The following TSPAN16 variants were observed in gnomAD, a reference collection of about 807,000 sequenced individuals.
The protein encoded by TSPAN16 is tetraspanin 16.
In TSPAN16, 23 loss-of-function variants were observed where a neutral mutation model predicts 25.2. The observed-to-expected ratio is 0.91, with a 90% CI of 0.66 to 1.29. The LOEUF (loss-of-function observed/expected upper bound fraction) is 1.29, where lower values mean the gene tolerates loss of function less well. Among genes scored for constraint, TSPAN16 ranks in the 50% most tolerant of loss-of-function variants. The pLI, the probability that TSPAN16 is intolerant of heterozygous loss-of-function variation, is 0.00. For missense variants in TSPAN16, 272 were observed against 299.9 expected (o/e 0.91, Z 0.69); for synonymous variants, 123 against 124.4 (o/e 0.99, Z 0.08).
chr19:11,298,364 C>T, intron 2 of TSPAN16, 25 bp downstream of exon 2: 1 of 1,606,162 alleles, frequency 6.2e-7, no homozygotes, highest in Non-Finnish European at 8.5e-7. Context: ...CACACAGACC[C>T]CAGAACTGCC....
intron 4 of TSPAN16, among the ~76,000 whole-genome samples, chr19:11,304,350 T>G (rs1216439879): frequency 6.6e-6 from 1 of 151,124 alleles, no homozygotes; most frequent in Non-Finnish European, 1.5e-5. Context: ...AACAATTTAT[T>G]TATGTACTTA....
chr19:11,307,122 T>G (rs322150), intron 5 of TSPAN16, among the ~76,000 whole-genome samples: 41,243 of 150,302 alleles, frequency 0.27, 5,623 homozygotes, highest in Middle Eastern at 0.33. Flanking sequence ...TATTTATTTA[T>G]TTAGTTAGTT....
Position 11,306,684 on chromosome 19 carries a change from G to C in TSPAN16, c.531G>C (p.Arg177Ser). 1 of 1,614,066 alleles carries C rather than the reference G, an allele frequency of 6.2e-7. No homozygotes were observed. Among genetic ancestry groups the C allele is most frequent in the Non-Finnish European group, 8.5e-7 (1 of 1,180,036 alleles). ...TGACAACGGGCCACACCTACCCCAG[G>C]AGTTGCTGTAAATCCATCGGAAGTG... The part of the protein sequence containing the change: ...FEMTTGHTYP[R>S]SCCKSIGSVS... The change falls in exon 5 of 7, where the codon AGG (arginine) becomes AGC (serine). Residue 177 changes from arginine to serine, a missense_variant. Physicochemically the swap from Arg to Ser is moderately radical, Grantham distance 110. Transcript: ENST00000590327.
chr19:11,317,965 T>G (rs964124971), downstream of TSPAN16, among the ~76,000 whole-genome samples: 2 of 152,096 alleles, frequency 1.3e-5, no homozygotes, highest in African/African-American at 4.8e-5. Context: ...GGCTGTAGAT[T>G]AGAATCACCT....
At chr19:11,308,790 G>C (rs902927555) in intron 5 of TSPAN16, among the ~76,000 whole-genome samples, 1 of 151,762 alleles carries the variant, frequency 6.6e-6, no homozygotes, top group Non-Finnish European at 1.5e-5. Context: ...TGCATTTTTA[G>C]TAGAAACGGG....
At chr19:11,297,228 C>G (rs575759472) in intron 1 of TSPAN16, among the ~76,000 whole-genome samples, 12 of 152,092 alleles carry the variant, frequency 7.9e-5, no homozygotes, top group African/African-American at 2.7e-4. Flanking sequence ...TTTGGGAGGC[C>G]GAGGTGGGCA....
Position 11,301,284 on chromosome 19 carries a change from A to T in TSPAN16, c.426A>T (p.Thr142=). The change falls in exon 4 of 7, where the codon ACA becomes ACT. Residue 142 remains threonine, a synonymous_variant. Transcript: ENST00000590327. The part of the protein sequence containing the change: ...RGYNEPDDYS[T]QWNLVMEKLK... The stretch of plus-strand genomic sequence containing the variant: ...ACAACGAGCCAGACGACTATTCTAC[A>T]CAGTGGAACTTGGTCATGGAGAAGG... The T allele has an allele frequency of 6.2e-7, 1 of 1,613,804 alleles. No individual in the cohort carries two copies. The highest frequency in any genetic ancestry group is 2.2e-5 in the East Asian group (1 of 44,872).
chr19:11,312,716 T>C (rs1361777966), intron 6 of TSPAN16, among the ~76,000 whole-genome samples: 5 of 151,994 alleles, frequency 3.3e-5, no homozygotes, highest in African/African-American at 1.2e-4. Context: ...TGAGGCATGA[T>C]TGTGTCACTG....
At chr19:11,321,586 G>A (rs1286127280) in intron 6 of TSPAN16, among the ~76,000 whole-genome samples, 3 of 152,212 alleles carry the variant, frequency 2.0e-5, no homozygotes, top group Non-Finnish European at 4.4e-5. Flanking sequence ...CAAAGGCCTT[G>A]GGGCAGGGGC....
chr19:11,304,929 C>T (rs186289862), intron 4 of TSPAN16, among the ~76,000 whole-genome samples: 4 of 151,938 alleles, frequency 2.6e-5, no homozygotes, highest in Admixed American at 2.6e-4. Context: ...AGGATTATAG[C>T]TGTGAGCCAC....
At chr19:11,309,890 C>T (rs1216335956) in intron 5 of TSPAN16, among the ~76,000 whole-genome samples, 1 of 152,122 alleles carries the variant, frequency 6.6e-6, no homozygotes, top group Non-Finnish European at 1.5e-5. Flanking sequence ...CACTTGAGGA[C>T]AGGAGTTCAA....
chr19:11,302,670 T>TACACAC (rs1320979669), intron 4 of TSPAN16, among the ~76,000 whole-genome samples: 17 of 117,758 alleles, frequency 1.4e-4, no homozygotes, highest in African/African-American at 9.3e-4. Flanking sequence ...CATATATATA[T>TACACAC]ATATATATAC....
downstream of TSPAN16, among the ~76,000 whole-genome samples, chr19:11,319,348 C>T (rs2080764376): frequency 6.6e-6 from 1 of 152,182 alleles, no homozygotes; most frequent in African/African-American, 2.4e-5. Context: ...GCCTGTAATC[C>T]CAGCACTCTG....
In TSPAN16 at chr19:11,296,271, T is replaced by C. The variant is rs142962581; in HGVS notation, c.-27T>C. The C allele has an allele frequency of 2.0e-5, 33 of 1,611,188 alleles. No individual in the cohort carries two copies. The East Asian group carries it at 6.5e-4, about 32-fold the overall frequency. On this transcript the variant is annotated 5_prime_UTR_variant, in exon 1 of 7. The change abolishes an upstream ATG in the 5' untranslated region. Coordinates refer to ENST00000590327, the MANE Select transcript of TSPAN16 (RefSeq NM_001282509.2). ...AGGTTCAGGAAGATGTTAACTTAAA[T>C]GTTCAGGGTGCCCCAGTCTGTTCAG...
chr19:11,308,493 C>G (rs143428984), intron 5 of TSPAN16, among the ~76,000 whole-genome samples: 1 of 143,704 alleles, frequency 7.0e-6, no homozygotes, highest in Non-Finnish European at 1.5e-5. Flanking sequence ...TTTTTTGAGA[C>G]GGAGTCTTGC....
intron 5 of TSPAN16, among the ~76,000 whole-genome samples, chr19:11,311,876 C>T (rs1309468406): frequency 1.3e-5 from 2 of 152,134 alleles, no homozygotes; most frequent in Non-Finnish European, 1.5e-5. Context: ...TTAATTGCCA[C>T]ACTGGAACAT....
intron 4 of TSPAN16, among the ~76,000 whole-genome samples, chr19:11,302,665 A>ATATATATGTG (rs200791998): frequency 0.018 from 1,989 of 111,202 alleles, 28 homozygotes; most frequent in African/African-American, 0.057. Context: ...ACATACATAT[A>ATATATATGTG]TATATATATA....
At chr19:11,326,802 G>T (rs768632614) in exon 7 of TSPAN16, 1 of 692,828 alleles carries the variant, frequency 1.4e-6, no homozygotes, top group South Asian at 1.5e-5. Flanking sequence ...AGAGGTGGGG[G>T]TCTCGCTATG....
chr19:11,313,373 G>A (rs115335512), intron 6 of TSPAN16, among the ~76,000 whole-genome samples: 241 of 151,914 alleles, frequency 1.6e-3, no homozygotes, highest in African/African-American at 4.5e-3. Context: ...TTAGCTGGGC[G>A]TAGTGATGCA....
Sources: gnomAD v4.1 joint callset for allele counts (sites outside exome capture counted in the v4.1 genomes callset) on GRCh38, gnomAD v4.1.1 for gene constraint, MANE v1.5 for transcripts, NCBI Gene and HGNC (gene_info 2026-07-23, HGNC 2026-07-21) for gene names.